Variants in CHRM3 observed in about 807,000 individuals in gnomAD.
The protein encoded by CHRM3 is cholinergic receptor muscarinic 3.
CHRM3 carries 11 observed loss-of-function variants against 41.8 expected under a neutral mutation model. The ratio of observed to expected loss-of-function variants is 0.26; its 90% CI spans 0.17 to 0.44. The LOEUF (loss-of-function observed/expected upper bound fraction) is 0.44, where lower values mean the gene tolerates loss of function less well. Among genes scored for constraint, CHRM3 ranks in the 20% least tolerant of loss-of-function variants. The pLI, the probability that CHRM3 is intolerant of heterozygous loss-of-function variation, is 1.00. For synonymous variants in CHRM3, 297 were observed against 301.4 expected (o/e 0.99, Z 0.15); for missense variants, 571 against 745.4 (o/e 0.77, Z 2.72).
intron 1 of CHRM3, among the ~76,000 whole-genome samples, chr1:239,436,994 C>T (rs1663323521): frequency 6.6e-6 from 1 of 152,130 alleles, no homozygotes; most frequent in Non-Finnish European, 1.5e-5. Context: ...CACCAGACCA[C>T]ACTGTATCTC....
intron 1 of CHRM3, among the ~76,000 whole-genome samples, chr1:239,434,753 AAG>A (rs1162269608): frequency 2.6e-5 from 4 of 152,156 alleles, no homozygotes; most frequent in African/African-American, 7.2e-5. Flanking sequence ...TTGGTGTTGA[AAG>A]AGAGAGAGAT....
At chr1:239,705,122 A>C (rs925660466) in intron 5 of CHRM3, 2 of 152,162 alleles carry the variant, frequency 1.3e-5, no homozygotes, top group Non-Finnish European at 2.9e-5. Flanking sequence ...CAGGAGGATC[A>C]CTCAAGCTCA....
At chr1:239,390,649 A>G (rs1658949561) in intron 1 of CHRM3, among the ~76,000 whole-genome samples, 2 of 147,342 alleles carry the variant, frequency 1.4e-5, no homozygotes, top group Non-Finnish European at 3.0e-5. Context: ...CCCAGGTTAG[A>G]GTGCAGTGGC....
intron 2 of CHRM3, among the ~76,000 whole-genome samples, chr1:239,500,907 G>A (rs1258047947): frequency 6.6e-6 from 1 of 152,148 alleles, no homozygotes; most frequent in Non-Finnish European, 1.5e-5. Flanking sequence ...AGGACTAACA[G>A]AAACTTAAAG....
intron 5 of CHRM3, among the ~76,000 whole-genome samples, chr1:239,736,920 T>A (rs1309209533): frequency 6.6e-6 from 1 of 152,208 alleles, no homozygotes; most frequent in Non-Finnish European, 1.5e-5. Context: ...AAGTTCAGTC[T>A]TGCTGAAAAT....
intron 2 of CHRM3, among the ~76,000 whole-genome samples, chr1:239,537,403 G>C (rs140449531): frequency 6.6e-6 from 1 of 151,966 alleles, no homozygotes; most frequent in Non-Finnish European, 1.5e-5. Context: ...TTTACGTGGT[G>C]GGAACAAAGG....
intron 6 of CHRM3, among the ~76,000 whole-genome samples, chr1:239,836,911 G>A (rs1572444695): frequency 6.6e-6 from 1 of 151,416 alleles, no homozygotes; most frequent in East Asian, 2.0e-4. Flanking sequence ...GGAGGTGGAA[G>A]TTGCAGCGAG....
At chr1:239,728,353 A>G (rs1191579150) in intron 5 of CHRM3, among the ~76,000 whole-genome samples, 1 of 151,984 alleles carries the variant, frequency 6.6e-6, no homozygotes, top group African/African-American at 2.4e-5. Context: ...AGATGAAAAC[A>G]TGCCTATTCT....
In CHRM3 at chr1:239,645,312, T is replaced by C. The variant is rs146292739; in HGVS notation, c.-250+13026T>C. ...TGAACACCAGGGCACTGTGGGACAA[T>C]ATGTAGGAAGCCTTATAGTTAGGTT... On this transcript the variant is annotated intron_variant, in intron 4 of 6. Coordinates refer to ENST00000676153, the MANE Select transcript of CHRM3 (RefSeq NM_001375978.1). Among the ~76,000 whole-genome samples the C allele has an allele frequency of 2.3e-4, 35 of 152,288 alleles. No homozygotes were observed. The East Asian group carries it at 3.5e-3, about 15-fold the overall frequency.
intron 6 of CHRM3, among the ~76,000 whole-genome samples, chr1:239,857,666 T>G (rs1345476330): frequency 6.6e-6 from 1 of 152,204 alleles, no homozygotes; most frequent in African/African-American, 2.4e-5. Context: ...AGAGGCTCTC[T>G]TAGAGTAATT....
intron 4 of CHRM3, among the ~76,000 whole-genome samples, chr1:239,652,852 A>G (rs1672362344): frequency 6.6e-6 from 1 of 152,214 alleles, no homozygotes; most frequent in Non-Finnish European, 1.5e-5. Context: ...GGTCCATAAG[A>G]CAGTATTATG....
chr1:239,747,591 C>T (rs1203118489), intron 5 of CHRM3, among the ~76,000 whole-genome samples: 1 of 152,144 alleles, frequency 6.6e-6, no homozygotes, highest in Non-Finnish European at 1.5e-5. Flanking sequence ...CCCTACCCTT[C>T]GGTCAAGCAT....
intron 1 of CHRM3, among the ~76,000 whole-genome samples, chr1:239,454,934 A>G (rs2103347338): frequency 6.6e-6 from 1 of 152,264 alleles, no homozygotes; most frequent in Non-Finnish European, 1.5e-5. Context: ...TACCAGTTGT[A>G]TAGAAGTATA....
chr1:239,767,176 T>C (rs1201095236), intron 5 of CHRM3, among the ~76,000 whole-genome samples: 1 of 152,204 alleles, frequency 6.6e-6, no homozygotes, highest in Non-Finnish European at 1.5e-5. Flanking sequence ...ACATGGAACA[T>C]GAAAACCAGG....
chr1:239,715,623 G>C (rs1167989685), intron 5 of CHRM3, among the ~76,000 whole-genome samples: 1 of 152,060 alleles, frequency 6.6e-6, no homozygotes, highest in African/African-American at 2.4e-5. Flanking sequence ...GTGAGAAGTG[G>C]GATTGCTAAT....
intron 1 of CHRM3, among the ~76,000 whole-genome samples, chr1:239,426,630 T>C (rs1004024578): frequency 6.6e-6 from 1 of 152,184 alleles, no homozygotes; most frequent in African/African-American, 2.4e-5. Context: ...AGTGGAATTC[T>C]GTTATTCTCA....
intron 6 of CHRM3, among the ~76,000 whole-genome samples, chr1:239,850,698 T>C (rs1674631404): frequency 6.6e-6 from 1 of 152,112 alleles, no homozygotes; most frequent in South Asian, 2.1e-4. Flanking sequence ...CTCATGCTGT[T>C]CTCATGACAG....
chr1:239,730,183 G>A (rs1663831336), intron 5 of CHRM3, among the ~76,000 whole-genome samples: 1 of 151,940 alleles, frequency 6.6e-6, no homozygotes, highest in South Asian at 2.1e-4. Flanking sequence ...TTTTAAAATT[G>A]TTTTTTATCC....
intron 5 of CHRM3, among the ~76,000 whole-genome samples, chr1:239,812,432 T>C (rs759826281): frequency 2.0e-5 from 3 of 152,118 alleles, no homozygotes; most frequent in Non-Finnish European, 4.4e-5. Context: ...TGCCTTTAGG[T>C]AAGAAAGAGA....
Sources: gnomAD v4.1 joint callset for allele counts (sites outside exome capture counted in the v4.1 genomes callset) on GRCh38, gnomAD v4.1.1 for gene constraint, MANE v1.5 for transcripts, NCBI Gene and HGNC (gene_info 2026-07-23, HGNC 2026-07-21) for gene names.